NOX4: variants seen among roughly 807,000 people sequenced by gnomAD.
NOX4 encodes the protein kidney oxidase-1.
Under a neutral mutation model 87.6 loss-of-function variants are expected in NOX4, and 69 were observed. That is an observed-to-expected ratio of 0.79 (90% CI 0.65 to 0.96). The LOEUF (loss-of-function observed/expected upper bound fraction) is 0.96. NOX4 is among the 40% of genes least tolerant of loss of function. The pLI is 0.00. For missense variants in NOX4, 680 were observed against 681.5 expected (o/e 1.00, Z 0.02); for synonymous variants, 275 against 238.2 (o/e 1.15, Z -1.42).
intron 2 of NOX4, among the ~76,000 whole-genome samples, chr11:89,485,121 A>C (rs1269888741): frequency 6.6e-6 from 1 of 152,164 alleles, no homozygotes; most frequent in Admixed American, 6.6e-5. Context: ...TATAACTTCT[A>C]GGACTCTTGA....
At chr11:89,400,772 C>T (rs1941795831) in intron 9 of NOX4, among the ~76,000 whole-genome samples, 1 of 151,280 alleles carries the variant, frequency 6.6e-6, no homozygotes, top group Non-Finnish European at 1.5e-5. Flanking sequence ...AGGTAACAGT[C>T]TAATGTTTAT....
chr11:89,385,044 C>G (rs1940593280), intron 11 of NOX4, among the ~76,000 whole-genome samples: 1 of 152,138 alleles, frequency 6.6e-6, no homozygotes, highest in South Asian at 2.1e-4. Context: ...ATCCTTGAGG[C>G]TACCGCTCTG....
At chr11:89,544,530 T>G in the NOX4 span, among the ~76,000 whole-genome samples, 2 of 152,032 alleles carry the variant, frequency 1.3e-5, no homozygotes, top group Non-Finnish European at 2.9e-5. Flanking sequence ...AAAAGTGGTA[T>G]AGGCAGCATT....
intron 9 of NOX4, among the ~76,000 whole-genome samples, chr11:89,401,815 G>T (rs1941870449): frequency 6.6e-6 from 1 of 152,070 alleles, no homozygotes; most frequent in Non-Finnish European, 1.5e-5. Context: ...TGCGAATATT[G>T]CAAGAAACAT....
At chr11:89,480,602 C>T (rs1565343116) in intron 2 of NOX4, among the ~76,000 whole-genome samples, 1 of 152,050 alleles carries the variant, frequency 6.6e-6, no homozygotes, top group African/African-American at 2.4e-5. Context: ...ATGGAATAGA[C>T]TTCATGTTAG....
the NOX4 span, among the ~76,000 whole-genome samples, chr11:89,573,391 T>C: frequency 6.6e-6 from 1 of 152,040 alleles, no homozygotes; most frequent in South Asian, 2.1e-4. Flanking sequence ...TACAAAAAAT[T>C]AGCCAGGCGT....
intron 4 of NOX4, among the ~76,000 whole-genome samples, chr11:89,446,039 A>G (rs962079604): frequency 1.3e-5 from 2 of 152,098 alleles, no homozygotes; most frequent in Non-Finnish European, 2.9e-5. Context: ...CAACCCAATT[A>G]AAAAAATGTG....
chr11:89,562,997 C>T, the NOX4 span, among the ~76,000 whole-genome samples: 17 of 152,260 alleles, frequency 1.1e-4, no homozygotes, highest in South Asian at 4.1e-4. Flanking sequence ...CCTCCGCTCA[C>T]GCTCTTTCTG....
intron 2 of NOX4, among the ~76,000 whole-genome samples, chr11:89,455,900 AGAG>A (rs1311369235): frequency 1.3e-5 from 2 of 152,060 alleles, no homozygotes; most frequent in Admixed American, 1.3e-4. Context: ...TCATGGAGAC[AGAG>A]AATAGGCTGA....
chr11:89,452,919 C>T (rs1945032602), intron 2 of NOX4, among the ~76,000 whole-genome samples: 1 of 151,928 alleles, frequency 6.6e-6, no homozygotes, highest in Non-Finnish European at 1.5e-5. Context: ...TGTAATGCAC[C>T]CGCAGTTCCA....
rs71472257 is a variant in NOX4, at chr11:89,405,080, TTG to T, written c.630-2540_630-2539del. ...GGGTTCAAAATAAACAAAAGTCAGA[TTG>T]TGTGTGTGTGTGTGTGTGTGTGTGT... On this transcript the variant is annotated intron_variant, in intron 8 of 17. Transcript: ENST00000263317. 1.7e-3 allele frequency among the ~76,000 whole-genome samples: 220 copies of T among 133,074 alleles called. 1 individual carries two copies. Among genetic ancestry groups the T allele is most frequent in the African/African-American group, 3.2e-3 (114 of 35,412 alleles). The allele number at this position is 133,074 out of a possible 152,430, so 87.3% of individuals were successfully genotyped here.
At chr11:89,490,211 A>T (rs879053944) in intron 2 of NOX4, among the ~76,000 whole-genome samples, 1 of 152,132 alleles carries the variant, frequency 6.6e-6, no homozygotes, top group Non-Finnish European at 1.5e-5. Context: ...GGCACCAATA[A>T]CCTGGTCTGG....
the NOX4 span, among the ~76,000 whole-genome samples, chr11:89,573,547 C>T: frequency 6.6e-6 from 1 of 152,158 alleles, no homozygotes. Context: ...CACTCTTAGA[C>T]CTGTTACTGG....
At chr11:89,352,259 A>G (rs993676067) in intron 13 of NOX4, among the ~76,000 whole-genome samples, 4 of 152,214 alleles carry the variant, frequency 2.6e-5, no homozygotes, top group Admixed American at 1.3e-4. Flanking sequence ...ACAAAAATTT[A>G]TACAAATAAA....
At chr11:89,445,335 G>A (rs534855941) in intron 4 of NOX4, among the ~76,000 whole-genome samples, 5 of 151,408 alleles carry the variant, frequency 3.3e-5, no homozygotes, top group South Asian at 2.1e-4. Context: ...GAGTTCTAAG[G>A]TACTCACACA....
rs560708523 is a variant in NOX4 at position 89,327,320 on chromosome 11, C to T, written c.1617-444G>A. Among the ~76,000 whole-genome samples the T allele has an allele frequency of 2.0e-5, 3 of 152,150 alleles. No homozygotes were observed. In the East Asian group the frequency reaches 5.8e-4, roughly 29 times the overall value. On this transcript the variant is annotated intron_variant, in intron 17 of 17. Coordinates refer to ENST00000263317, the MANE Select transcript of NOX4 (RefSeq NM_016931.5). ...ACTTTACACATAGTTATCTAAAATT[C>T]CTACACGGATTTGCAAAAGCAGCGA... is the stretch of plus-strand genomic sequence containing the variant.
chr11:89,440,617 G>T (rs554578567), intron 6 of NOX4, 71 bp downstream of exon 6: 9 of 1,068,852 alleles, frequency 8.4e-6, no homozygotes, highest in Non-Finnish European at 1.2e-5. Context: ...GAGCCACTGC[G>T]CCCAGTCCGA....
chr11:89,576,079 TG>T, the NOX4 span, among the ~76,000 whole-genome samples: 2 of 152,344 alleles, frequency 1.3e-5, no homozygotes, highest in East Asian at 3.9e-4. Flanking sequence ...TTACCTTCTC[TG>T]CAGTTTTTGG....
chr11:89,583,373 C>T, the NOX4 span, among the ~76,000 whole-genome samples: 4 of 152,202 alleles, frequency 2.6e-5, no homozygotes, highest in East Asian at 7.7e-4. Context: ...CTTTAGAGGT[C>T]AGCAATAATT....
Sources: gnomAD v4.1 joint callset for allele counts (sites outside exome capture counted in the v4.1 genomes callset) on GRCh38, gnomAD v4.1.1 for gene constraint, MANE v1.5 for transcripts, NCBI Gene and HGNC (gene_info 2026-07-23, HGNC 2026-07-21) for gene names.